ADGRL2: variants seen among roughly 807,000 people sequenced by gnomAD.
ADGRL2 encodes adhesion G protein-coupled receptor L2.
Under a neutral mutation model 157.4 loss-of-function variants are expected in ADGRL2, and 44 were observed. That is an observed-to-expected ratio of 0.28 (90% CI 0.22 to 0.36). The LOEUF (loss-of-function observed/expected upper bound fraction) is 0.36. Among genes scored for constraint, ADGRL2 ranks in the 10% least tolerant of loss-of-function variants. ADGRL2 has a pLI of 1.00. For missense variants in ADGRL2, 1,510 were observed against 1,768.9 expected, an observed-to-expected ratio of 0.85 and a Z score of 2.63; for synonymous variants, 585 against 624.7, an observed-to-expected ratio of 0.94 and a Z score of 0.95.
chr1:81,414,456 T>C (rs924459360), intron 1 of ADGRL2: 2 of 152,278 alleles, frequency 1.3e-5, no homozygotes, highest in African/African-American at 4.8e-5. Flanking sequence ...TAGAGCGTGA[T>C]ATGAGCACAC....
intron 3 of ADGRL2, among the ~76,000 whole-genome samples, chr1:81,590,244 A>T (rs2081105368): frequency 6.6e-6 from 1 of 152,120 alleles, no homozygotes; most frequent in Admixed American, 6.5e-5. Flanking sequence ...AGAAATTATG[A>T]CTTTCCATTG....
intron 2 of ADGRL2, among the ~76,000 whole-genome samples, chr1:81,902,060 G>T (rs1011034870): frequency 6.6e-6 from 1 of 152,238 alleles, no homozygotes; most frequent in East Asian, 1.9e-4. Flanking sequence ...CATTGGTTCA[G>T]TTTGGAAAGG....
At chr1:81,398,293 T>A (rs2076692655) in intron 1 of ADGRL2, among the ~76,000 whole-genome samples, 1 of 152,226 alleles carries the variant, frequency 6.6e-6, no homozygotes, top group Non-Finnish European at 1.5e-5. Flanking sequence ...GAATGTAATT[T>A]GTTTACATTT....
chr1:81,771,848 A>G (rs9661691), intron 2 of ADGRL2, among the ~76,000 whole-genome samples: 1,541 of 152,370 alleles, frequency 0.01, 30 homozygotes, highest in African/African-American at 0.033. Flanking sequence ...GATTAAATGC[A>G]GAATCAGACT....
At chr1:81,415,133 T>A (rs1386616263) in intron 1 of ADGRL2, among the ~76,000 whole-genome samples, 3 of 152,128 alleles carry the variant, frequency 2.0e-5, no homozygotes, top group Non-Finnish European at 4.4e-5. Flanking sequence ...GCACCAGAAG[T>A]GGAAATTATA....
rs749516409 is a variant in ADGRL2, at chr1:81,365,297, G to A, written c.-302+58788G>A. On this transcript the variant is annotated intron_variant, in intron 1 of 24. Coordinates refer to the ADGRL2 transcript ENST00000370721. ...ACTGAACCAAGGTAGAAACCAAAGC[G>A]AACACTATTAGAATAGAAAGGAGAC... Among the ~76,000 whole-genome samples the A allele has an allele frequency of 6.9e-4, 105 of 152,144 alleles. 4 individuals are homozygous for A. The highest frequency in any genetic ancestry group is 1.6e-4 in the Non-Finnish European group (11 of 68,038).
intron 3 of ADGRL2, among the ~76,000 whole-genome samples, chr1:81,616,935 C>A (rs563542976): frequency 4.6e-5 from 7 of 152,302 alleles, no homozygotes; most frequent in Middle Eastern, 3.4e-3. Context: ...ACCTTGGCCT[C>A]CCAAAGTGCT....
At chr1:81,576,208 T>C (rs147141700) in intron 2 of ADGRL2, among the ~76,000 whole-genome samples, 227 of 152,254 alleles carry the variant, frequency 1.5e-3, no homozygotes, top group African/African-American at 5.1e-3. Context: ...AAAAATTCAA[T>C]GATCTGGGTT....
At chr1:81,351,178 G>A (rs1223161723) in intron 1 of ADGRL2, among the ~76,000 whole-genome samples, 1 of 151,508 alleles carries the variant, frequency 6.6e-6, no homozygotes, top group Non-Finnish European at 1.5e-5. Flanking sequence ...GCAGGAGCCT[G>A]GAACTTATAC....
At chr1:81,862,520 G>A (rs991054211) in intron 2 of ADGRL2, among the ~76,000 whole-genome samples, 1 of 151,998 alleles carries the variant, frequency 6.6e-6, no homozygotes, top group African/African-American at 2.4e-5. Flanking sequence ...GTCTTACATA[G>A]CCTTGTTATA....
intron 1 of ADGRL2, among the ~76,000 whole-genome samples, chr1:81,718,957 T>C (rs2084207798): frequency 6.6e-6 from 1 of 152,232 alleles, no homozygotes; most frequent in Non-Finnish European, 1.5e-5. Context: ...GAAAAGAGCA[T>C]TTGAATTTTT....
At chr1:81,849,858 T>C (rs139199086) in intron 2 of ADGRL2, among the ~76,000 whole-genome samples, 2,357 of 152,064 alleles carry the variant, frequency 0.016, 36 homozygotes, top group South Asian at 0.031. Flanking sequence ...TGCATAGATT[T>C]AGAAGATAAA....
chr1:81,331,255 C>G (rs957575990), intron 1 of ADGRL2, among the ~76,000 whole-genome samples: 24 of 151,978 alleles, frequency 1.6e-4, no homozygotes, highest in Non-Finnish European at 3.1e-4. Context: ...TGCAAGAATG[C>G]AAAAGATGAT....
intron 1 of ADGRL2, among the ~76,000 whole-genome samples, chr1:81,732,438 T>A (rs183475813): frequency 1.3e-5 from 2 of 152,364 alleles, no homozygotes; most frequent in Non-Finnish European, 1.5e-5. Context: ...TGTTAATTGC[T>A]TATGTATATT....
intron 2 of ADGRL2, among the ~76,000 whole-genome samples, chr1:81,456,123 C>A (rs190693985): frequency 5.9e-5 from 9 of 152,272 alleles, no homozygotes; most frequent in Admixed American, 5.2e-4. Context: ...AGATTGTCTT[C>A]AAAGTGTTAC....
intron 1 of ADGRL2, among the ~76,000 whole-genome samples, chr1:81,313,131 A>G (rs1196259696): frequency 6.6e-6 from 1 of 152,238 alleles, no homozygotes; most frequent in Non-Finnish European, 1.5e-5. Flanking sequence ...AATCAAATTT[A>G]TAGTACCCTG....
intron 2 of ADGRL2, among the ~76,000 whole-genome samples, chr1:81,466,057 G>T (rs767571052): frequency 1.3e-5 from 2 of 152,230 alleles, no homozygotes; most frequent in Non-Finnish European, 2.9e-5. Context: ...GTGTACATGT[G>T]TAATGTGTCA....
At chr1:81,703,661 T>A (rs1433070099) in intron 1 of ADGRL2, among the ~76,000 whole-genome samples, 1 of 152,136 alleles carries the variant, frequency 6.6e-6, no homozygotes, top group Non-Finnish European at 1.5e-5. Context: ...CAAAATAATG[T>A]AAAACAATTT....
chr1:81,372,416 T>C (rs2076175914), intron 1 of ADGRL2, among the ~76,000 whole-genome samples: 1 of 152,110 alleles, frequency 6.6e-6, no homozygotes, highest in Admixed American at 6.5e-5. Context: ...AAGGGGGAAA[T>C]ATCAGTGCAG....
Sources: gnomAD v4.1 joint callset for allele counts (sites outside exome capture counted in the v4.1 genomes callset) on GRCh38, gnomAD v4.1.1 for gene constraint, MANE v1.5 for transcripts, NCBI Gene and HGNC (gene_info 2026-07-23, HGNC 2026-07-21) for gene names.